ATP9A: variants seen among roughly 807,000 people sequenced by gnomAD.
ATP9A encodes the protein probable phospholipid-transporting ATPase IIA.
A neutral mutation model predicts 144.1 loss-of-function variants in ATP9A; 52 were observed. The ratio of observed to expected loss-of-function variants is 0.36; its 90% CI spans 0.29 to 0.45. ATP9A has a LOEUF of 0.45. Ranked by LOEUF, ATP9A falls within the 20% of genes least tolerant of loss-of-function variation. The pLI is 1.00. For synonymous variants in ATP9A, 582 were observed against 557.4 expected, an observed-to-expected ratio of 1.04 and a Z score of -0.62; for missense variants, 947 against 1,392.7, an observed-to-expected ratio of 0.68 and a Z score of 5.09.
At chr20:51,610,030 G>C (rs1002910401) in intron 24 of ATP9A, 71 bp downstream of exon 24, 1 of 1,398,634 alleles carries the variant, frequency 7.1e-7, no homozygotes, top group Admixed American at 1.8e-5. Context: ...TTTCCACCAC[G>C]TTTCTTCTCT....
intron 15 of ATP9A, 124 bp from the exon 16 acceptor site, chr20:51,629,196 G>A: frequency 1.6e-6 from 1 of 627,836 alleles, no homozygotes; most frequent in Non-Finnish European, 2.7e-6. Flanking sequence ...TTTTTCAGTT[G>A]GCTGAAGATG....
At chr20:51,645,126 CCTTGCTTTCTTCTA>C (rs2077336937) in intron 14 of ATP9A, among the ~76,000 whole-genome samples, 1 of 152,198 alleles carries the variant, frequency 6.6e-6, no homozygotes, top group African/African-American at 2.4e-5. Context: ...CATCTTTTAG[CCTTGCTTTCTTCTA>C]GAGCAAGCCT....
chr20:51,610,129 G>A lies in ATP9A; in HGVS notation c.2608C>T (p.Pro870Ser). The change falls in exon 24 of 28, where the codon CCT becomes TCT. Residue 870 changes from proline to serine, a missense_variant. By Grantham distance (74) the Pro-to-Ser change is moderately conservative. Transcript: ENST00000338821. ...ATGATGAGGAATCCTTGATAGAGAG[G>A]GACGGAGGCAAAGTAAAACACGGAG... Reference protein sequence around the residue: ...FSSVFYFASVPLYQGFLIIGY... With the variant: ...FSSVFYFASVSLYQGFLIIGY... 6.2e-7 allele frequency: 1 copy of A among 1,610,144 alleles called. No homozygotes were observed. Among genetic ancestry groups the A allele is most frequent in the South Asian group, 1.1e-5 (1 of 90,992 alleles).
At chr20:51,647,438 C>T (rs1014439922) in intron 14 of ATP9A, among the ~76,000 whole-genome samples, 2 of 151,848 alleles carry the variant, frequency 1.3e-5, no homozygotes, top group African/African-American at 4.9e-5. Context: ...GTAATCCCAG[C>T]TACTCGGGAG....
chr20:51,644,392 C>T (rs8116521), intron 14 of ATP9A, among the ~76,000 whole-genome samples: 1 of 150,246 alleles, frequency 6.7e-6, no homozygotes, highest in South Asian at 2.1e-4. Flanking sequence ...CCTGCCTCAG[C>T]CTCCCAAGTA....
chr20:51,613,222 C>T (rs190198661), intron 23 of ATP9A, among the ~76,000 whole-genome samples: 17 of 152,258 alleles, frequency 1.1e-4, no homozygotes, highest in African/African-American at 3.9e-4. Context: ...CTCTGATGGC[C>T]CTTACCTCTG....
chr20:51,709,472 G>A (rs765866944), intron 4 of ATP9A, among the ~76,000 whole-genome samples: 3 of 152,132 alleles, frequency 2.0e-5, no homozygotes, highest in Non-Finnish European at 4.4e-5. Context: ...CCGAGATCGC[G>A]CCATTGCATT....
At chr20:51,721,590 G>A (rs923045433) in intron 3 of ATP9A, among the ~76,000 whole-genome samples, 1 of 152,102 alleles carries the variant, frequency 6.6e-6, no homozygotes, top group Non-Finnish European at 1.5e-5. Context: ...ACGAGGTCAG[G>A]AGATCGAGAC....
intron 1 of ATP9A, among the ~76,000 whole-genome samples, chr20:51,757,363 G>A (rs2077860971): frequency 6.6e-6 from 1 of 152,136 alleles, no homozygotes; most frequent in Admixed American, 6.6e-5. Flanking sequence ...CGTGGCACGT[G>A]GGAGATCCTG....
chr20:51,747,036 G>C (rs1310398467), intron 1 of ATP9A, among the ~76,000 whole-genome samples: 2 of 151,242 alleles, frequency 1.3e-5, no homozygotes, highest in African/African-American at 4.9e-5. Context: ...AGGAGTGGAA[G>C]GAAAGGTATG....
chr20:51,680,772 T>C (rs1234670559), intron 9 of ATP9A, among the ~76,000 whole-genome samples: 1 of 152,064 alleles, frequency 6.6e-6, no homozygotes, highest in Non-Finnish European at 1.5e-5. Flanking sequence ...TGGCTTGGGT[T>C]TACATTAGAA....
chr20:51,677,539 G>A (rs898009173), intron 9 of ATP9A, among the ~76,000 whole-genome samples: 5 of 152,288 alleles, frequency 3.3e-5, no homozygotes, highest in East Asian at 1.9e-4. Flanking sequence ...GTGGCTTGCC[G>A]TTTGTGCCTC....
chr20:51,639,228 G>C (rs1245334623), intron 15 of ATP9A, 115 bp downstream of exon 15: 1 of 1,155,564 alleles, frequency 8.7e-7, no homozygotes, highest in Non-Finnish European at 1.2e-6. Context: ...TCCCTTGTTA[G>C]TCTGGGTGAC....
intron 1 of ATP9A, among the ~76,000 whole-genome samples, chr20:51,749,950 G>A (rs891061359): frequency 1.3e-5 from 2 of 151,958 alleles, no homozygotes; most frequent in Admixed American, 1.3e-4. Context: ...AGACCAGCCT[G>A]GGCAACATGG....
rs1164152459 is a variant in ATP9A, at chr20:51,713,056, T to C, written c.346A>G (p.Thr116Ala). ...WVPLGFVLAVTVIREAVEEIR... is the reference protein window; with the variant it reads ...WVPLGFVLAVAVIREAVEEIR... Reference sequence around the variant, plus strand: ...TCCTCCACCGCCTCACGGATGACAGTGACGGCCAGCACGAAGCCCTGCAGA... The same window carrying C: ...TCCTCCACCGCCTCACGGATGACAGCGACGGCCAGCACGAAGCCCTGCAGA... The change falls in exon 4 of 28, where the codon ACT becomes GCT. Residue 116 changes from threonine to alanine, a missense_variant. Physicochemically the swap from Thr to Ala is moderately conservative, Grantham distance 58 (BLOSUM62 0). Coordinates refer to ENST00000338821, the MANE Select transcript of ATP9A (RefSeq NM_006045.3). 32 of 1,611,784 alleles carry C rather than the reference T, an allele frequency of 2.0e-5. No individual in the cohort carries two copies. The highest frequency in any genetic ancestry group is 2.5e-5 in the Non-Finnish European group (30 of 1,179,152).
At chr20:51,674,923 C>G (rs2077470925) in intron 10 of ATP9A, among the ~76,000 whole-genome samples, 1 of 152,186 alleles carries the variant, frequency 6.6e-6, no homozygotes, top group South Asian at 2.1e-4. Context: ...AGCGATTCTC[C>G]TACCTCAGCC....
At chr20:51,747,321 C>T (rs1262064472) in intron 1 of ATP9A, among the ~76,000 whole-genome samples, 1 of 152,076 alleles carries the variant, frequency 6.6e-6, no homozygotes, top group African/African-American at 2.4e-5. Flanking sequence ...CCAGCAAGTC[C>T]TGCCAGAGGG....
Position 51,725,912 on chromosome 20 carries a change from T to C in ATP9A, c.234A>G (p.Lys78=). Residue 78 remains lysine (K), a synonymous_variant, in exon 3 of 28, where the codon AAA becomes AAG. Transcript: ENST00000338821. ...FLPGVLFNQF[K]YFFNLYFLLL... ...GTAAGAAATAGAGGTTGAAAAAGTATTTGAACTGGTTGAACAGCACCTGGA... is the reference window on the plus strand; with the variant it reads ...GTAAGAAATAGAGGTTGAAAAAGTACTTGAACTGGTTGAACAGCACCTGGA... 1 of 1,611,626 alleles carries C rather than the reference T, an allele frequency of 6.2e-7. No individual in the cohort carries two copies.
chr20:51,759,621 C>T (rs1322257140), intron 1 of ATP9A, among the ~76,000 whole-genome samples: 1 of 151,768 alleles, frequency 6.6e-6, no homozygotes, highest in African/African-American at 2.4e-5. Flanking sequence ...TGCAGTGAGC[C>T]GAGATCGCAC....
Sources: allele counts gnomAD v4.1 joint callset (sites outside exome capture counted in the v4.1 genomes callset), GRCh38; gene constraint gnomAD v4.1.1; transcripts MANE v1.5; gene names NCBI Gene and HGNC (gene_info 2026-07-23, HGNC 2026-07-21).